The following LRRC37A2 variants were observed in gnomAD, a reference collection of about 807,000 sequenced individuals.
The protein encoded by LRRC37A2 is leucine-rich repeat-containing protein 37A2.
In LRRC37A2, 9 loss-of-function variants were observed where a neutral mutation model predicts 68.8. That is an observed-to-expected ratio of 0.13 (90% CI 0.08 to 0.23). LRRC37A2 has a LOEUF of 0.23. LRRC37A2 is among the 10% of genes least tolerant of loss of function. The pLI, the probability that LRRC37A2 is intolerant of heterozygous loss-of-function variation, is 1.00. For synonymous variants in LRRC37A2, 63 were observed against 367.6 expected (o/e 0.17, Z 9.48); for missense variants, 168 against 950.4 (o/e 0.18, Z 10.82).
chr17:46,908,286 G>A, the LRRC37A2 span, among the ~76,000 whole-genome samples: 1 of 152,226 alleles, frequency 6.6e-6, no homozygotes, highest in African/African-American at 2.4e-5. Flanking sequence ...GGGGGCCTCT[G>A]AGGGATGCCT....
the LRRC37A2 span, among the ~76,000 whole-genome samples, chr17:46,896,422 GA>G: frequency 1.2e-5 from 1 of 83,710 alleles, no homozygotes; most frequent in Non-Finnish European, 2.1e-5. Flanking sequence ...AAGAAAGAAA[GA>G]AAGAAAGAAA....
chr17:46,750,758 A>C, the LRRC37A2 span, among the ~76,000 whole-genome samples: 2 of 152,164 alleles, frequency 1.3e-5, no homozygotes, highest in African/African-American at 4.8e-5. Context: ...TAATCACTGT[A>C]TAGAAAAATT....
chr17:46,882,854 G>A, the LRRC37A2 span, among the ~76,000 whole-genome samples: 3 of 152,114 alleles, frequency 2.0e-5, no homozygotes, highest in African/African-American at 4.8e-5. Flanking sequence ...AGAGATGGCT[G>A]GCATGCACGG....
At chr17:46,766,959 T>A in the LRRC37A2 span, among the ~76,000 whole-genome samples, 1 of 152,070 alleles carries the variant, frequency 6.6e-6, no homozygotes, top group African/African-American at 2.4e-5. Context: ...AGGAACCAGG[T>A]CTATGAAGAA....
At chr17:47,049,120 T>A in the LRRC37A2 span, 6 of 1,077,976 alleles carry the variant, frequency 5.6e-6, no homozygotes, top group Non-Finnish European at 7.1e-6. Context: ...ACTCCTACTC[T>A]GTGTGACTGG....
the LRRC37A2 span, among the ~76,000 whole-genome samples, chr17:46,403,458 A>C: frequency 3.6e-5 from 2 of 56,032 alleles, no homozygotes; most frequent in Non-Finnish European, 8.2e-5. Flanking sequence ...CTCTGAGCTG[A>C]GAATGCGCCA....
the LRRC37A2 span, among the ~76,000 whole-genome samples, chr17:46,765,025 A>G: frequency 6.6e-6 from 1 of 152,236 alleles, no homozygotes; most frequent in African/African-American, 2.4e-5. Context: ...ACCGCACCAA[A>G]TAGCTTGATA....
chr17:46,766,584 C>G, the LRRC37A2 span, among the ~76,000 whole-genome samples: 1 of 152,154 alleles, frequency 6.6e-6, no homozygotes, highest in Non-Finnish European at 1.5e-5. Flanking sequence ...GTGCCACCTG[C>G]TGCCTTTCTG....
At chr17:46,779,038 C>A in the LRRC37A2 span, among the ~76,000 whole-genome samples, 1 of 146,360 alleles carries the variant, frequency 6.8e-6, no homozygotes, top group Non-Finnish European at 1.5e-5. Flanking sequence ...CAGTTATTCC[C>A]CGGTCCCTAC....
chr17:46,929,135 G>A, the LRRC37A2 span, among the ~76,000 whole-genome samples: 14 of 152,274 alleles, frequency 9.2e-5, no homozygotes, highest in South Asian at 1.2e-3. Context: ...ACATTAGGTC[G>A]TAGAACAGAA....
chr17:46,913,001 G>T, the LRRC37A2 span, among the ~76,000 whole-genome samples: 1 of 152,204 alleles, frequency 6.6e-6, no homozygotes, highest in Non-Finnish European at 1.5e-5. Context: ...TAGAAAACTG[G>T]CATGGTGATG....
At chr17:46,978,393 CAA>C in the LRRC37A2 span, 27 of 439,132 alleles carry the variant, frequency 6.1e-5, no homozygotes, top group East Asian at 8.4e-5. Context: ...AACAAACAAA[CAA>C]AAAAAACTGG....
chr17:46,789,642 G>A, the LRRC37A2 span, among the ~76,000 whole-genome samples: 3 of 152,214 alleles, frequency 2.0e-5, no homozygotes, highest in Non-Finnish European at 2.9e-5. Flanking sequence ...ACACCATGGG[G>A]AAGCAACTGG....
the LRRC37A2 span, chr17:46,916,980 A>C: frequency 6.6e-6 from 1 of 152,152 alleles, no homozygotes; most frequent in African/African-American, 2.4e-5. Context: ...TGTCCTTGTG[A>C]CCCAATTGCC....
At chr17:47,039,977 C>T in the LRRC37A2 span, among the ~76,000 whole-genome samples, 13 of 151,842 alleles carry the variant, frequency 8.6e-5, no homozygotes, top group African/African-American at 3.1e-4. Flanking sequence ...ATTTCAGTTA[C>T]CATACTTTTC....
the LRRC37A2 span, among the ~76,000 whole-genome samples, chr17:46,811,123 C>A: frequency 9.7e-6 from 1 of 103,590 alleles, no homozygotes; most frequent in African/African-American, 3.0e-5. Context: ...AGGCTGCAAA[C>A]AGATAAATCG....
At chr17:46,812,189 CT>C in the LRRC37A2 span, among the ~76,000 whole-genome samples, 21,242 of 152,126 alleles carry the variant, frequency 0.14, 1,914 homozygotes, top group African/African-American at 0.26. Context: ...TAGCCTCTCA[CT>C]GAGAGCAGGG....
chr17:46,766,499 C>T, the LRRC37A2 span, among the ~76,000 whole-genome samples: 2 of 152,116 alleles, frequency 1.3e-5, no homozygotes, highest in African/African-American at 4.8e-5. Context: ...GCTGAGTGGA[C>T]GAGTGGAGGC....
chr17:46,804,381 C>T, the LRRC37A2 span, among the ~76,000 whole-genome samples: 4 of 152,238 alleles, frequency 2.6e-5, no homozygotes, highest in African/African-American at 9.6e-5. Flanking sequence ...GCCACCACAA[C>T]TAGCCTGTTT....
Sources: gnomAD v4.1 joint callset for allele counts (sites outside exome capture counted in the v4.1 genomes callset) on GRCh38, gnomAD v4.1.1 for gene constraint, MANE v1.5 for transcripts, NCBI Gene and HGNC (gene_info 2026-07-23, HGNC 2026-07-21) for gene names.